RNGTT: variants seen among roughly 807,000 people sequenced by gnomAD.
RNGTT encodes the protein RNA guanylyltransferase and 5'-phosphatase, also known as mRNA-capping enzyme.
A neutral mutation model predicts 79.3 loss-of-function variants in RNGTT; 33 were observed. The ratio of observed to expected loss-of-function variants is 0.42; its 90% CI spans 0.32 to 0.56. RNGTT has a LOEUF of 0.56. Ranked by LOEUF, RNGTT falls within the 20% of genes least tolerant of loss-of-function variation. The pLI is 0.17. For missense variants in RNGTT, 497 were observed against 739.1 expected (o/e 0.67, Z 3.80); for synonymous variants, 222 against 235.9 (o/e 0.94, Z 0.54).
At chr6:88,690,425 G>A (rs1775436482) in intron 13 of RNGTT, among the ~76,000 whole-genome samples, 2 of 146,992 alleles carry the variant, frequency 1.4e-5, no homozygotes, top group Admixed American at 6.7e-5. Flanking sequence ...AAAAAAAATT[G>A]GTCGAGGGCA....
intron 4 of RNGTT, among the ~76,000 whole-genome samples, chr6:88,922,418 C>T (rs1444348260): frequency 6.6e-6 from 1 of 152,042 alleles, no homozygotes; most frequent in Non-Finnish European, 1.5e-5. Flanking sequence ...CTAATAAGGA[C>T]TCTGGGTTTC....
intron 1 of RNGTT, among the ~76,000 whole-genome samples, chr6:88,960,665 A>G (rs1201484666): frequency 6.6e-6 from 1 of 152,276 alleles, no homozygotes; most frequent in Non-Finnish European, 1.5e-5. Context: ...CCTGAAATCT[A>G]TTAACTCAGA....
At chr6:88,657,619 C>CT (rs1169353271) in intron 14 of RNGTT, among the ~76,000 whole-genome samples, 5 of 152,032 alleles carry the variant, frequency 3.3e-5, no homozygotes, top group Non-Finnish European at 5.9e-5. Flanking sequence ...GGGGTGAGGC[C>CT]TGAGAGCCCT....
chr6:88,856,115 A>C (rs1781837053), intron 8 of RNGTT, among the ~76,000 whole-genome samples: 1 of 152,168 alleles, frequency 6.6e-6, no homozygotes, highest in Non-Finnish European at 1.5e-5. Flanking sequence ...AGGATATTTA[A>C]AGTTATGATA....
chr6:88,682,147 C>T (rs1445395103), intron 13 of RNGTT, among the ~76,000 whole-genome samples: 1 of 152,092 alleles, frequency 6.6e-6, no homozygotes, highest in Non-Finnish European at 1.5e-5. Context: ...AGAAAAACTG[C>T]TTTAAAAGTA....
At position 88,694,851 on chromosome 6, in the gene RNGTT, C is replaced by T. The variant is rs145803068; in HGVS notation, c.1440-16432G>A. On this transcript the variant is annotated intron_variant, in intron 13 of 15. Coordinates refer to ENST00000369485, the MANE Select transcript of RNGTT (RefSeq NM_003800.5). ...CTCTCCCTCTCTCTCCTCCCTTCCA[C>T]CTTCCACCACAGCATGGCCCAGCAC... 2.0e-3 allele frequency among the ~76,000 whole-genome samples: 297 copies of T among 152,202 alleles called. 3 individuals carry two copies. Among genetic ancestry groups the T allele is most frequent in the African/African-American group, 7.0e-3 (291 of 41,532 alleles).
rs146990362 is a variant in RNGTT, at chr6:88,916,388, G to A, written c.368-9948C>T. ...CTAAAGAGGCTGAGAGGAGAGGATC[G>A]CTTGAGTCCAGGAGGTGGAGGGGGC... On this transcript the variant is annotated intron_variant, in intron 4 of 15. Transcript: ENST00000369485. Among the ~76,000 whole-genome samples the A allele has an allele frequency of 1.1e-3, 163 of 152,268 alleles. 1 individual carries two copies. The highest frequency in any genetic ancestry group is 3.8e-3 in the African/African-American group (157 of 41,544).
chr6:88,844,913 C>T (rs1781438309), intron 10 of RNGTT, among the ~76,000 whole-genome samples: 1 of 151,828 alleles, frequency 6.6e-6, no homozygotes. Context: ...CAGAGCAAGA[C>T]CACCACTTCC....
intron 13 of RNGTT, among the ~76,000 whole-genome samples, chr6:88,708,972 T>TA (rs951479784): frequency 6.6e-6 from 1 of 152,144 alleles, no homozygotes; most frequent in African/African-American, 2.4e-5. Context: ...GACTTTCCAA[T>TA]GTCTGTGACC....
At chr6:88,880,488 T>G (rs940522756) in intron 8 of RNGTT, among the ~76,000 whole-genome samples, 1 of 152,200 alleles carries the variant, frequency 6.6e-6, no homozygotes, top group Non-Finnish European at 1.5e-5. Context: ...TATATGTGTG[T>G]GTATTATATA....
At chr6:88,871,814 T>G (rs185938072) in intron 8 of RNGTT, among the ~76,000 whole-genome samples, 38 of 152,282 alleles carry the variant, frequency 2.5e-4, no homozygotes, top group African/African-American at 8.9e-4. Flanking sequence ...CTAGGTGGCT[T>G]CACTCCCAGA....
rs147749602 is a variant in RNGTT at position 88,709,053 on chromosome 6, T to G, written c.1440-30634A>C. On this transcript the variant is annotated intron_variant, in intron 13 of 15. Transcript: ENST00000369485. ...GGCCAGGTGCAGTGGCTCACACCTG[T>G]AATCCCAGCACTTTGGGAGGCTGAG... Among the ~76,000 whole-genome samples the G allele has an allele frequency of 8.2e-3, 1,249 of 152,280 alleles. 13 individuals carry two copies. Among genetic ancestry groups the G allele is most frequent in the Non-Finnish European group, 0.014 (954 of 68,024 alleles).
At chr6:88,762,258 C>T (rs902630289) in intron 13 of RNGTT, among the ~76,000 whole-genome samples, 7 of 152,144 alleles carry the variant, frequency 4.6e-5, no homozygotes, top group African/African-American at 1.4e-4. Flanking sequence ...TCCACATTGG[C>T]TGTCTGACCC....
At chr6:88,666,038 G>C (rs1774394337) in intron 14 of RNGTT, among the ~76,000 whole-genome samples, 1 of 152,190 alleles carries the variant, frequency 6.6e-6, no homozygotes, top group Non-Finnish European at 1.5e-5. Context: ...AGGCAGTTGA[G>C]AGAATTATTA....
intron 14 of RNGTT, among the ~76,000 whole-genome samples, chr6:88,620,102 T>C (rs1024639994): frequency 6.6e-5 from 10 of 152,224 alleles, no homozygotes; most frequent in African/African-American, 2.4e-4. Context: ...AATCTATTGG[T>C]GTTTGTGCCT....
At chr6:88,854,607 C>G (rs1394800834) in intron 8 of RNGTT, among the ~76,000 whole-genome samples, 1 of 152,190 alleles carries the variant, frequency 6.6e-6, no homozygotes, top group Non-Finnish European at 1.5e-5. Context: ...GAATCAATAT[C>G]ATGATATAGC....
At chr6:88,755,959 CAA>C (rs1157096180) in intron 13 of RNGTT, among the ~76,000 whole-genome samples, 664 of 30,358 alleles carry the variant, frequency 0.022, no homozygotes, top group African/African-American at 0.065. Context: ...GACTCCGTCT[CAA>C]AAAAAAAAAA....
chr6:88,879,598 A>G (rs954738352), intron 8 of RNGTT, among the ~76,000 whole-genome samples: 1 of 152,200 alleles, frequency 6.6e-6, no homozygotes, highest in Non-Finnish European at 1.5e-5. Flanking sequence ...GAGAAAAAAA[A>G]AATTTGTCTT....
At chr6:88,647,715 A>AAAAAAAAAAAAAAAAAAAAGAAG (rs531898293) in intron 14 of RNGTT, among the ~76,000 whole-genome samples, 1 of 142,508 alleles carries the variant, frequency 7.0e-6, no homozygotes, top group African/African-American at 3.0e-5. Flanking sequence ...AAAAAAAAAA[A>AAAAAAAAAAAAAAAAAAAAGAAG]AAGAAGAAGA....
Sources: gnomAD v4.1 joint callset for allele counts (sites outside exome capture counted in the v4.1 genomes callset) on GRCh38, gnomAD v4.1.1 for gene constraint, MANE v1.5 for transcripts, NCBI Gene and HGNC (gene_info 2026-07-23, HGNC 2026-07-21) for gene names.